Variants in GZMH observed in about 807,000 individuals in gnomAD.
GZMH encodes the protein cathepsin G-like 2, protein h-CCPX.
A neutral mutation model predicts 20.7 loss-of-function variants in GZMH; 24 were observed. The ratio of observed to expected loss-of-function variants is 1.16; its 90% CI spans 0.84 to 1.63. GZMH has a LOEUF of 1.63. Ranked by LOEUF, GZMH falls within the 40% of genes most tolerant of loss-of-function variation. The probability of loss-of-function intolerance (pLI) is 0.00; values close to 1 mark genes in which losing one functional copy is unlikely to be tolerated. For missense variants in GZMH, 344 were observed against 302.7 expected (o/e 1.14, Z -1.01); for synonymous variants, 119 against 116.1 (o/e 1.02, Z -0.16).
In GZMH at chr14:24,608,407, T is replaced by C; in HGVS notation, c.61A>G (p.Ile21Val). Residue 21 changes from isoleucine to valine, a missense_variant, in exon 2 of 5, where the codon ATC (isoleucine) becomes GTC (valine). Physicochemically the swap from Ile to Val is conservative, Grantham distance 29 (BLOSUM62 3). Coordinates refer to ENST00000216338, the MANE Select transcript of GZMH (RefSeq NM_033423.5). ...LLTPGAGTEE[I>V]IGGHEAKPHS... ...GGCTTGGCCTCATGGCCCCCGATGA[T>C]CTCCTCTGAAAGGAAAGACTGGAAG... The C allele has an allele frequency of 6.2e-7, 1 of 1,613,862 alleles. No homozygotes were observed. Among genetic ancestry groups the C allele is most frequent in the Non-Finnish European group, 8.5e-7 (1 of 1,179,884 alleles).
intron 1 of GZMH, among the ~76,000 whole-genome samples, 194 bp from the exon 2 acceptor site, chr14:24,608,606 C>G (rs953465133): frequency 3.3e-5 from 5 of 152,214 alleles, no homozygotes; most frequent in Admixed American, 2.6e-4. Flanking sequence ...AGAACCTTCT[C>G]TCAGAAAGAA....
At position 24,606,756 on chromosome 14, in the gene GZMH, G is replaced by C. The variant is rs1198311154; in HGVS notation, c.598-10C>G. ...GCCCCCCGGAGTCCCCCTGTGAACA[G>C]AGAGAGGAAAGACTGAGCTAGTGTT... is the stretch of plus-strand genomic sequence containing the variant. On this transcript the variant is annotated splice_polypyrimidine_tract_variant and intron_variant, in intron 4 of 4. Coordinates refer to ENST00000216338, the MANE Select transcript of GZMH (RefSeq NM_033423.5). 7.4e-6 allele frequency: 12 copies of C among 1,611,158 alleles called. No homozygotes were observed. The highest frequency in any genetic ancestry group is 4.4e-5 in the South Asian group (4 of 90,818).
chr14:24,608,310 A>G lies in GZMH; in HGVS notation c.158T>C (p.Leu53Pro). Reference sequence around the variant, plus strand: ...TGTCAGCACAAAGTCCTTTCTCACTAGGATGCCGCCACACCTCTTCCGACT... The same window carrying G: ...TGTCAGCACAAAGTCCTTTCTCACTGGGATGCCGCCACACCTCTTCCGACT... ...EKSRKRCGGI[L>P]VRKDFVLTAA... Residue 53 changes from leucine to proline, a missense_variant, in exon 2 of 5, where the codon CTA becomes CCA. By Grantham distance (98) the Leu-to-Pro change is moderately conservative. Coordinates refer to ENST00000216338, the MANE Select transcript of GZMH (RefSeq NM_033423.5). 1 of 1,614,194 alleles carries G rather than the reference A, an allele frequency of 6.2e-7. No homozygotes were observed. Among genetic ancestry groups the G allele is most frequent in the Non-Finnish European group, 8.5e-7 (1 of 1,180,032 alleles).
Position 24,606,758 on chromosome 14 carries a change from G to A in GZMH, c.598-12C>T. Reference sequence around the variant, plus strand: ...CCCCCGGAGTCCCCCTGTGAACAGAGAGAGGAAAGACTGAGCTAGTGTTCC... The same window carrying A: ...CCCCCGGAGTCCCCCTGTGAACAGAAAGAGGAAAGACTGAGCTAGTGTTCC... On this transcript the variant is annotated splice_polypyrimidine_tract_variant and intron_variant, in intron 4 of 4. Transcript: ENST00000216338. 4 of 1,611,158 alleles carry A rather than the reference G, an allele frequency of 2.5e-6. No homozygotes were observed. Among genetic ancestry groups the A allele is most frequent in the Non-Finnish European group, 3.4e-6 (4 of 1,178,616 alleles).
chr14:24,607,847 C>G (rs2066882980), intron 2 of GZMH, 100 bp from the exon 3 acceptor site: 3 of 1,570,492 alleles, frequency 1.9e-6, no homozygotes. Context: ...AGGGCTGCAG[C>G]TGAGGGGAAG....
chr14:24,609,681 G>T lies in GZMH; in HGVS notation c.-68C>A. 8.7e-7 allele frequency: 1 copy of T among 1,155,262 alleles called. No homozygotes were observed. The allele number at this position is 1,155,262 out of a possible 1,614,324, so 71.6% of individuals were successfully genotyped here. Reference sequence around the variant, plus strand: ...TCCTTCCAGAAACAAATGCTGGAGGGAGATGAAGGAGGGATGGGTACAGTA... The same window carrying T: ...TCCTTCCAGAAACAAATGCTGGAGGTAGATGAAGGAGGGATGGGTACAGTA... On this transcript the variant is annotated 5_prime_UTR_variant, in exon 1 of 5. Coordinates refer to ENST00000216338, the MANE Select transcript of GZMH (RefSeq NM_033423.5).
Position 24,608,395 on chromosome 14 carries a change from G to C in GZMH, c.73C>G (p.His25Asp). ...GAGTEEIIGG[H>D]EAKPHSRPYM... The stretch of plus-strand genomic sequence containing the variant: ...GGGCGGGAGTGGGGCTTGGCCTCAT[G>C]GCCCCCGATGATCTCCTCTGAAAGG... The change falls in exon 2 of 5, where the codon CAT (histidine) becomes GAT (aspartate). Residue 25 changes from histidine (H) to aspartate (D), a missense_variant. Transcript: ENST00000216338. 1.2e-6 allele frequency: 2 copies of C among 1,614,052 alleles called. No homozygotes were observed. Among genetic ancestry groups the C allele is most frequent in the Non-Finnish European group, 1.7e-6 (2 of 1,179,962 alleles).
chr14:24,607,878 C>T, intron 2 of GZMH, 131 bp from the exon 3 acceptor site: 4 of 1,333,214 alleles, frequency 3.0e-6, no homozygotes, highest in Non-Finnish European at 4.2e-6. Context: ...AGGAGGGCTC[C>T]AGGGCTGAGT....
rs377356552 is a variant in GZMH, at chr14:24,606,748, T to G, written c.598-2A>C. 6.2e-7 allele frequency: 1 copy of G among 1,612,444 alleles called. No homozygotes were observed. The highest frequency in any genetic ancestry group is 8.5e-7 in the Non-Finnish European group (1 of 1,179,270). On this transcript the variant is annotated splice_acceptor_variant, in intron 4 of 4. Transcript: ENST00000216338. LOFTEE classifies it high-confidence loss of function. The stretch of plus-strand genomic sequence containing the variant: ...CACGAGGGGCCCCCCGGAGTCCCCC[T>G]GTGAACAGAGAGAGGAAAGACTGAG...
In GZMH at chr14:24,608,262, T is replaced by C. The variant is rs1265121547; in HGVS notation, c.203+3A>G. 1.2e-6 allele frequency: 2 copies of C among 1,614,112 alleles called. No individual in the cohort carries two copies. The highest frequency in any genetic ancestry group is 1.7e-6 in the Non-Finnish European group (2 of 1,179,972). On this transcript the variant is annotated splice_donor_region_variant and intron_variant, in intron 2 of 4. Transcript: ENST00000216338. ...CAGGAGGTGAGCTGGTGCTGCTCCT[T>C]ACCTTCCCTGGCAGTGAGCAGCTGT... is the stretch of plus-strand genomic sequence containing the variant.
Position 24,608,418 on chromosome 14 carries a change from A to C in GZMH, c.56-6T>G. On this transcript the variant is annotated splice_region_variant and splice_polypyrimidine_tract_variant and intron_variant, in intron 1 of 4. Coordinates refer to ENST00000216338, the MANE Select transcript of GZMH (RefSeq NM_033423.5). ...ATGGCCCCCGATGATCTCCTCTGAA[A>C]GGAAAGACTGGAAGATAAAGTAGCT... 2 of 1,613,878 alleles carry C rather than the reference A, an allele frequency of 1.2e-6. No homozygotes were observed. Among genetic ancestry groups the C allele is most frequent in the Non-Finnish European group, 1.7e-6 (2 of 1,179,864 alleles).
chr14:24,609,247 T>C (rs919194479), intron 1 of GZMH, among the ~76,000 whole-genome samples: 1 of 152,202 alleles, frequency 6.6e-6, no homozygotes, highest in Non-Finnish European at 1.5e-5. Flanking sequence ...TCCTCTTTCC[T>C]GGGTTGGAGT....
rs2066898387 is a variant in GZMH at position 24,609,684 on chromosome 14, A to T, written c.-71T>A. Reference sequence around the variant, plus strand: ...TTCCAGAAACAAATGCTGGAGGGAGATGAAGGAGGGATGGGTACAGTAAAC... The same window carrying T: ...TTCCAGAAACAAATGCTGGAGGGAGTTGAAGGAGGGATGGGTACAGTAAAC... On this transcript the variant is annotated 5_prime_UTR_variant, in exon 1 of 5. Coordinates refer to ENST00000216338, the MANE Select transcript of GZMH (RefSeq NM_033423.5). The T allele has an allele frequency of 4.4e-6, 5 of 1,140,110 alleles. No individual in the cohort carries two copies. The highest frequency in any genetic ancestry group is 6.5e-6 in the Non-Finnish European group (5 of 765,766). 70.6% of individuals were successfully genotyped at this position (1,140,110 alleles called of 1,614,324 possible). A position where few individuals can be genotyped will look rare whatever the true frequency, so the allele number is the denominator to read the frequency against.
intron 2 of GZMH, 143 bp downstream of exon 2, chr14:24,608,122 C>T (rs1010670382): frequency 2.7e-5 from 23 of 863,286 alleles, no homozygotes; most frequent in Non-Finnish European, 7.3e-6. Flanking sequence ...CATCTTAGTC[C>T]TATTCCCAGG....
chr14:24,606,741 G>A lies in GZMH; in HGVS notation c.603C>T (p.Asp201=), dbSNP rs1442500237. ...PKKTQTGFKG[D]SGGPLVCKDV... is the part of the protein sequence containing the mutation. ...CCTTACACACGAGGGGCCCCCCGGA[G>A]TCCCCCTGTGAACAGAGAGAGGAAA... Residue 201 remains aspartate (D), a synonymous_variant, in exon 5 of 5, where the codon GAC becomes GAT. Coordinates refer to ENST00000216338, the MANE Select transcript of GZMH (RefSeq NM_033423.5). The A allele has an allele frequency of 1.2e-6, 2 of 1,613,190 alleles. No individual in the cohort carries two copies. Among genetic ancestry groups the A allele is most frequent in the East Asian group, 2.2e-5 (1 of 44,880 alleles).
intron 1 of GZMH, 104 bp downstream of exon 1, chr14:24,609,455 A>G: frequency 3.1e-6 from 2 of 646,246 alleles, no homozygotes; most frequent in Non-Finnish European, 5.4e-6. Flanking sequence ...TGGGTGTGGA[A>G]TGGGAGGTGG....
At position 24,607,105 on chromosome 14, in the gene GZMH, C is replaced by CTCT. The variant is rs1383331373; in HGVS notation, c.597+43_597+44insAGA. On this transcript the variant is annotated intron_variant, in intron 4 of 4. Transcript: ENST00000216338. ...TCATACCCCAGAACTCCCTCAAGTTCCTCTCTCCCTGTGGTCTTTCTGGGT... is the reference window on the plus strand; with the variant it reads ...TCATACCCCAGAACTCCCTCAAGTTCTCTCTCTCTCCCTGTGGTCTTTCTGGGT... The CTCT allele has an allele frequency of 2.5e-6, 4 of 1,579,776 alleles. No individual in the cohort carries two copies. In the South Asian group the frequency reaches 4.7e-5, roughly 18 times the overall value.
chr14:24,608,967 G>A (rs981880496), intron 1 of GZMH, among the ~76,000 whole-genome samples: 1 of 152,244 alleles, frequency 6.6e-6, no homozygotes, highest in African/African-American at 2.4e-5. Flanking sequence ...GGACCTCAGG[G>A]ATGTTAGAGG....
Position 24,607,365 on chromosome 14 carries a change from G to T in GZMH, c.381C>A (p.Leu127=). The change falls in exon 4 of 5, where the codon CTC becomes CTA. Residue 127 remains leucine, a synonymous_variant. Transcript: ENST00000216338. The part of the protein sequence containing the change: ...KAKWTTAVRP[L]RLPSSKAQVK... ...CCTGGGCCTTGCTGCTAGGTAGCCT[G>T]AGAGGCCGCACAGCTGTGGTCCACT... is the stretch of plus-strand genomic sequence containing the variant. 1 of 1,608,832 alleles carries T rather than the reference G, an allele frequency of 6.2e-7. No homozygotes were observed. The highest frequency in any genetic ancestry group is 8.5e-7 in the Non-Finnish European group (1 of 1,176,070).
Sources: allele counts gnomAD v4.1 joint callset (sites outside exome capture counted in the v4.1 genomes callset), GRCh38; gene constraint gnomAD v4.1.1; transcripts MANE v1.5; gene names NCBI Gene and HGNC (gene_info 2026-07-23, HGNC 2026-07-21).